Variants in REXO5 observed in about 807,000 individuals in gnomAD.
REXO5 encodes exonuclease NEF-sp.
A neutral mutation model predicts 88.5 loss-of-function variants in REXO5; 48 were observed. The ratio of observed to expected loss-of-function variants is 0.54; its 90% CI spans 0.43 to 0.69. REXO5 has a LOEUF of 0.69. Ranked by LOEUF, REXO5 falls within the 30% of genes least tolerant of loss-of-function variation. REXO5 has a pLI of 0.00. For synonymous variants in REXO5, 311 were observed against 336.5 expected (o/e 0.92, Z 0.83); for missense variants, 749 against 912.2 (o/e 0.82, Z 2.30).
chr16:20,825,730 G>A, intron 7 of REXO5, 103 bp from the exon 8 acceptor site: 1 of 766,526 alleles, frequency 1.3e-6, no homozygotes, highest in South Asian at 1.9e-5. Flanking sequence ...TTGCTGCAGG[G>A]ACCCTGGTAG....
intron 5 of REXO5, 64 bp from the exon 6 acceptor site, chr16:20,821,698 G>A (rs2081188047): frequency 6.9e-7 from 1 of 1,441,244 alleles, no homozygotes; most frequent in African/African-American, 1.4e-5. Context: ...ACAACCTTAG[G>A]AGACATTTCT....
chr16:20,847,090 G>A (rs2081618196), intron 19 of REXO5, among the ~76,000 whole-genome samples: 1 of 152,234 alleles, frequency 6.6e-6, no homozygotes, highest in East Asian at 1.9e-4. Context: ...ACCTTGGGTT[G>A]TGTTAATTTT....
intron 7 of REXO5, 88 bp downstream of exon 7, chr16:20,824,615 C>T (rs1041978235): frequency 9.0e-6 from 7 of 780,896 alleles, no homozygotes; most frequent in South Asian, 3.1e-5. Context: ...CACTAATGAA[C>T]GAATACATTC....
At chr16:20,840,565 C>A in intron 15 of REXO5, 97 bp downstream of exon 15, 1 of 1,116,656 alleles carries the variant, frequency 9.0e-7, no homozygotes, top group East Asian at 2.4e-5. Context: ...GTAAAGTAAG[C>A]TTGATTGCTA....
chr16:20,829,587 A>G (rs2081309991), intron 11 of REXO5, among the ~76,000 whole-genome samples: 1 of 152,236 alleles, frequency 6.6e-6, no homozygotes, highest in South Asian at 2.1e-4. Flanking sequence ...TGGTAGAAAG[A>G]CATTCTAACA....
chr16:20,820,773 A>G (rs1356741574), intron 5 of REXO5, among the ~76,000 whole-genome samples: 1 of 151,204 alleles, frequency 6.6e-6, no homozygotes, highest in Non-Finnish European at 1.5e-5. Context: ...CATGTTGGCC[A>G]GGCTGGTCTT....
rs1345503072 is a variant in REXO5 at position 20,840,606 on chromosome 16, G to A, written c.1626+138G>A. On this transcript the variant is annotated intron_variant, in intron 15 of 19. Transcript: ENST00000261377. ...TGGAGTGTGAGACATACTCTAATGA[G>A]AGCAGTTGTTGACCCACAAGAATGT... The A allele has an allele frequency of 1.2e-5, 8 of 665,056 alleles. No homozygotes were observed. In the African/African-American group the frequency reaches 1.2e-4, roughly 10 times the overall value. The allele number at this position is 665,056 out of a possible 1,614,324, so 41.2% of individuals were successfully genotyped here.
Position 20,825,916 on chromosome 16 carries a change from A to C in REXO5, c.789A>C (p.Lys263Asn), listed in dbSNP as rs1190884396. 6.2e-7 allele frequency: 1 copy of C among 1,613,848 alleles called. No homozygotes were observed. Among genetic ancestry groups the C allele is most frequent in the Admixed American group, 1.7e-5 (1 of 59,978 alleles). ...GGCCVMDELV[K>N]PENKILDYLT... The stretch of plus-strand genomic sequence containing the variant: ...GCTGTGTTATGGATGAACTGGTCAA[A>C]CCTGAAAACAAGATTCTGGACTACC... The change falls in exon 8 of 20, where the codon AAA (lysine) becomes AAC (asparagine). Residue 263 changes from lysine (K) to asparagine (N), a missense_variant. Physicochemically the swap from Lys to Asn is moderately conservative, Grantham distance 94. Transcript: ENST00000261377.
chr16:20,806,926 C>G (rs985893583), intron 1 of REXO5, 26 bp from the exon 2 acceptor site: 8 of 1,561,996 alleles, frequency 5.1e-6, no homozygotes, highest in Non-Finnish European at 6.9e-6. Flanking sequence ...GGAGTTTCCC[C>G]AGCTCTACCT....
chr16:20,831,389 T>G (rs1357952864), intron 11 of REXO5, among the ~76,000 whole-genome samples: 2 of 152,108 alleles, frequency 1.3e-5, no homozygotes, highest in Non-Finnish European at 2.9e-5. Context: ...TGATTTCCAG[T>G]GAAAATTGTG....
At chr16:20,844,870 C>G in intron 17 of REXO5, 25 bp downstream of exon 17, 1 of 1,601,720 alleles carries the variant, frequency 6.2e-7, no homozygotes, top group Non-Finnish European at 8.5e-7. Context: ...CTGAATGTAG[C>G]TTTGGGGAAG....
chr16:20,808,085 T>C (rs2080933873), intron 2 of REXO5, among the ~76,000 whole-genome samples: 1 of 152,166 alleles, frequency 6.6e-6, no homozygotes, highest in Non-Finnish European at 1.5e-5. Context: ...ACGAGGGTCC[T>C]AGGTGGCATG....
At chr16:20,825,748 T>C (rs975970594) in intron 7 of REXO5, 85 bp from the exon 8 acceptor site, 1 of 907,268 alleles carries the variant, frequency 1.1e-6, no homozygotes, top group African/African-American at 1.6e-5. Context: ...TAGATTACAG[T>C]AGATGGCAGT....
chr16:20,836,296 C>T (rs1285337183), intron 13 of REXO5, among the ~76,000 whole-genome samples: 1 of 152,158 alleles, frequency 6.6e-6, no homozygotes, highest in African/African-American at 2.4e-5. Flanking sequence ...TGAATGTGCT[C>T]TGCCTGTTGG....
chr16:20,823,112 G>A (rs2081210124), intron 6 of REXO5, among the ~76,000 whole-genome samples: 1 of 152,120 alleles, frequency 6.6e-6, no homozygotes, highest in South Asian at 2.1e-4. Context: ...TTGTGATTTT[G>A]ATTTGCATGT....
chr16:20,831,173 A>C (rs1255388183), intron 11 of REXO5, among the ~76,000 whole-genome samples: 1 of 152,068 alleles, frequency 6.6e-6, no homozygotes, highest in East Asian at 1.9e-4. Context: ...TTCCATAAAA[A>C]TTAGTGGAAA....
At chr16:20,846,073 AGT>A (rs1374358602) in intron 18 of REXO5, 146 bp from the exon 19 acceptor site, 36 of 670,206 alleles carry the variant, frequency 5.4e-5, no homozygotes, top group Non-Finnish European at 7.9e-6. Context: ...GAGAACCTGC[AGT>A]GTGGGCTCCA....
Position 20,846,356 on chromosome 16 carries a change from G to T in REXO5, c.2243+17G>T, listed in dbSNP as rs2081607535. The T allele has an allele frequency of 6.3e-7, 1 of 1,589,396 alleles. No individual in the cohort carries two copies. The highest frequency in any genetic ancestry group is 8.6e-7 in the Non-Finnish European group (1 of 1,157,706). ...AACCAAGAGGTAAGGACTAGAAAGGGTATCCCTTCAGGACTCTGTCCCCTG... is the reference window on the plus strand; with the variant it reads ...AACCAAGAGGTAAGGACTAGAAAGGTTATCCCTTCAGGACTCTGTCCCCTG... On this transcript the variant is annotated intron_variant, in intron 19 of 19. Transcript: ENST00000261377.
At chr16:20,827,332 T>C (rs749181606) in intron 9 of REXO5, 21 bp from the exon 10 acceptor site, 11 of 1,607,504 alleles carry the variant, frequency 6.8e-6, no homozygotes, top group South Asian at 4.4e-5. Context: ...CACTACTCAT[T>C]TTATTCTCTT....
Sources: gnomAD v4.1 joint callset for allele counts (sites outside exome capture counted in the v4.1 genomes callset) on GRCh38, gnomAD v4.1.1 for gene constraint, MANE v1.5 for transcripts, NCBI Gene and HGNC (gene_info 2026-07-23, HGNC 2026-07-21) for gene names.